TMTC2: variants seen among roughly 807,000 people sequenced by gnomAD.
TMTC2 encodes the protein protein O-mannosyl-transferase TMTC2.
In TMTC2, 43 loss-of-function variants were observed where a neutral mutation model predicts 82.4. The observed-to-expected ratio is 0.52, with a 90% CI of 0.41 to 0.67. The LOEUF is 0.67. TMTC2 is among the 30% of genes least tolerant of loss of function. The pLI, the probability that TMTC2 is intolerant of heterozygous loss-of-function variation, is 0.00. For missense variants in TMTC2, 919 were observed against 1,012.4 expected (o/e 0.91, Z 1.25); for synonymous variants, 408 against 381.9 (o/e 1.07, Z -0.80).
At position 83,085,553 on chromosome 12, in the gene TMTC2, C is replaced by T. The variant is rs902763609; in HGVS notation, c.2331+23722C>T. 7.2e-5 allele frequency among the ~76,000 whole-genome samples: 11 copies of T among 152,150 alleles called. 1 individual carries two copies. Among genetic ancestry groups the T allele is most frequent in the African/African-American group, 2.7e-4 (11 of 41,490 alleles). On this transcript the variant is annotated intron_variant, in intron 11 of 11. Coordinates refer to ENST00000321196, the MANE Select transcript of TMTC2 (RefSeq NM_152588.3). ...TGCCTTGAAAACATTGCCCTCTGTG[C>T]TATCAAAAATAAAGTGCCATGAAAA...
intron 11 of TMTC2, 57 bp from the exon 12 acceptor site, chr12:83,132,153 C>A: frequency 6.5e-7 from 1 of 1,531,002 alleles, no homozygotes; most frequent in Admixed American, 2.2e-5. Flanking sequence ...TTTTGTTTTC[C>A]ATGAAGGAAA....
At chr12:82,782,525 A>G (rs1877958652) in intron 1 of TMTC2, among the ~76,000 whole-genome samples, 1 of 152,152 alleles carries the variant, frequency 6.6e-6, no homozygotes, top group Non-Finnish European at 1.5e-5. Context: ...TACTGTCTCT[A>G]ATACTCCTCC....
intron 11 of TMTC2, 57 bp from the exon 12 acceptor site, chr12:83,132,153 C>T: frequency 6.5e-7 from 1 of 1,531,002 alleles, no homozygotes; most frequent in Non-Finnish European, 8.8e-7. Context: ...TTTTGTTTTC[C>T]ATGAAGGAAA....
At chr12:82,758,580 A>G (rs898178431) in intron 1 of TMTC2, 3 of 152,160 alleles carry the variant, frequency 2.0e-5, no homozygotes, top group Non-Finnish European at 4.4e-5. Context: ...CTGAATTATA[A>G]ATTTTGTAAA....
chr12:82,855,849 A>C (rs576196005), intron 1 of TMTC2, among the ~76,000 whole-genome samples: 5 of 152,326 alleles, frequency 3.3e-5, no homozygotes, highest in African/African-American at 1.2e-4. Flanking sequence ...TGGTAATGAA[A>C]TTTACTTTCA....
At chr12:82,959,676 A>G (rs1877812830) in intron 4 of TMTC2, among the ~76,000 whole-genome samples, 1 of 151,838 alleles carries the variant, frequency 6.6e-6, no homozygotes, top group East Asian at 1.9e-4. Flanking sequence ...AATTAACTCA[A>G]GATGGATTAA....
intron 8 of TMTC2, among the ~76,000 whole-genome samples, chr12:82,997,366 G>A (rs55926609): frequency 5.9e-4 from 12 of 20,208 alleles, no homozygotes; most frequent in African/African-American, 1.3e-3. Context: ...ATATATATAT[G>A]TGTATATATA....
chr12:83,072,106 A>G (rs1680127555), intron 11 of TMTC2, among the ~76,000 whole-genome samples: 1 of 151,612 alleles, frequency 6.6e-6, no homozygotes, highest in Non-Finnish European at 1.5e-5. Context: ...TTAGATTGTC[A>G]ATTTGTGCTC....
chr12:83,126,394 A>G (rs778580372), intron 11 of TMTC2, among the ~76,000 whole-genome samples: 5 of 152,092 alleles, frequency 3.3e-5, no homozygotes, highest in African/African-American at 4.8e-5. Flanking sequence ...TGTTTGTTGT[A>G]TTCTGTGAAA....
rs1250906603 is a variant in TMTC2 at position 83,030,869 on chromosome 12, C to T, written c.2142C>T (p.Tyr714=). The T allele has an allele frequency of 6.2e-7, 1 of 1,612,348 alleles. No individual in the cohort carries two copies. The change falls in exon 9 of 12, where the codon TAC becomes TAT. Residue 714 remains tyrosine (Y), a synonymous_variant. Coordinates refer to ENST00000321196, the MANE Select transcript of TMTC2 (RefSeq NM_152588.3). ...IELDPTKGNC[Y]MHYGQFLLEE... Reference sequence around the variant, plus strand: ...TGGATCCCACCAAAGGAAACTGTTACATGCATTATGGTGAGTGGTTGATAG... The same window carrying T: ...TGGATCCCACCAAAGGAAACTGTTATATGCATTATGGTGAGTGGTTGATAG...
chr12:82,713,892 C>G (rs1177327676), intron 1 of TMTC2, among the ~76,000 whole-genome samples: 1 of 152,196 alleles, frequency 6.6e-6, no homozygotes, highest in Non-Finnish European at 1.5e-5. Context: ...GAGTTACAAG[C>G]AAATAGTATC....
chr12:82,798,503 A>AG (rs1878836458), intron 1 of TMTC2, among the ~76,000 whole-genome samples: 1 of 147,960 alleles, frequency 6.8e-6, no homozygotes, highest in Non-Finnish European at 1.5e-5. Context: ...CTCAAAAAAA[A>AG]AAAAAAAGAT....
chr12:82,815,165 CT>C (rs773702402), intron 1 of TMTC2, among the ~76,000 whole-genome samples: 303 of 141,896 alleles, frequency 2.1e-3, no homozygotes, highest in Middle Eastern at 3.6e-3. Flanking sequence ...TTCTTTTATT[CT>C]TTTTTTTTTT....
At chr12:82,688,092 T>A (rs1872414900) in intron 1 of TMTC2, among the ~76,000 whole-genome samples, 1 of 152,214 alleles carries the variant, frequency 6.6e-6, no homozygotes, top group Non-Finnish European at 1.5e-5. Context: ...TTTCCTTTTA[T>A]TGATGGGACA....
chr12:82,783,030 A>G (rs1877984792), intron 1 of TMTC2, among the ~76,000 whole-genome samples: 1 of 152,260 alleles, frequency 6.6e-6, no homozygotes, highest in South Asian at 2.1e-4. Context: ...TTCTTTCACA[A>G]TGAAAACAGG....
At chr12:82,814,049 C>G (rs1313488933) in intron 1 of TMTC2, among the ~76,000 whole-genome samples, 1 of 152,068 alleles carries the variant, frequency 6.6e-6, no homozygotes, top group Non-Finnish European at 1.5e-5. Context: ...GTCACAAGTA[C>G]TATTTATTAT....
At chr12:83,102,910 C>T (rs1462210660) in intron 11 of TMTC2, among the ~76,000 whole-genome samples, 2 of 152,084 alleles carry the variant, frequency 1.3e-5, no homozygotes, top group Non-Finnish European at 2.9e-5. Flanking sequence ...ATCAAAATTT[C>T]AATGATTTTT....
Position 83,013,356 on chromosome 12 carries a change from T to C in TMTC2, c.2071-17442T>C, listed in dbSNP as rs1456244136. Among the ~76,000 whole-genome samples the C allele has an allele frequency of 2.0e-5, 3 of 152,332 alleles. No individual in the cohort carries two copies. In the East Asian group the frequency reaches 5.8e-4, roughly 29 times the overall value. On this transcript the variant is annotated intron_variant, in intron 8 of 11. Coordinates refer to ENST00000321196, the MANE Select transcript of TMTC2 (RefSeq NM_152588.3). ...AATCTTTTTTAGAGATGATATGATT[T>C]ATTTAAGTGGCCCTTCTTTAGGCAC...
At chr12:83,125,305 G>A (rs1053962283) in intron 11 of TMTC2, among the ~76,000 whole-genome samples, 11 of 152,194 alleles carry the variant, frequency 7.2e-5, no homozygotes, top group African/African-American at 2.7e-4. Context: ...CCCAATGGAA[G>A]CAACAAGGTA....
Sources: allele counts gnomAD v4.1 joint callset (sites outside exome capture counted in the v4.1 genomes callset), GRCh38; gene constraint gnomAD v4.1.1; transcripts MANE v1.5; gene names NCBI Gene and HGNC (gene_info 2026-07-23, HGNC 2026-07-21).